Variants in ZNF33B observed in about 807,000 individuals in gnomAD.
The protein encoded by ZNF33B is zinc finger protein 11b (KOX 2).
Under a neutral mutation model 45.8 loss-of-function variants are expected in ZNF33B, and 29 were observed. The ratio of observed to expected loss-of-function variants is 0.63; its 90% CI spans 0.47 to 0.86. The LOEUF is 0.86. ZNF33B is among the 40% of genes least tolerant of loss of function. The probability of loss-of-function intolerance (pLI) is 0.00; values close to 1 mark genes in which losing one functional copy is unlikely to be tolerated. For missense variants in ZNF33B, 831 were observed against 909.9 expected (o/e 0.91, Z 1.12); for synonymous variants, 305 against 307.8 (o/e 0.99, Z 0.10).
intron 4 of ZNF33B, among the ~76,000 whole-genome samples, chr10:42,603,397 C>T (rs1336626407): frequency 2.0e-5 from 3 of 152,148 alleles, no homozygotes; most frequent in Non-Finnish European, 2.9e-5. Flanking sequence ...AGTTCTATGA[C>T]AGCAACAAGC....
At chr10:42,627,995 A>G (rs1276460131) in intron 4 of ZNF33B, among the ~76,000 whole-genome samples, 2 of 151,946 alleles carry the variant, frequency 1.3e-5, no homozygotes, top group African/African-American at 4.8e-5. Context: ...AAAAAATTGT[A>G]TTTTGCTGTT....
downstream of ZNF33B, among the ~76,000 whole-genome samples, chr10:42,586,298 T>C (rs1836934767): frequency 1.3e-5 from 2 of 151,720 alleles, no homozygotes; most frequent in Non-Finnish European, 2.9e-5. Flanking sequence ...GGGCTACAGG[T>C]GCCTGCCACC....
At chr10:42,628,591 T>C (rs562616988) in intron 4 of ZNF33B, among the ~76,000 whole-genome samples, 3 of 152,352 alleles carry the variant, frequency 2.0e-5, no homozygotes, top group South Asian at 2.1e-4. Context: ...TTTTGTCTAA[T>C]AGTTTTCTTT....
chr10:42,612,740 T>C (rs1390324968), intron 4 of ZNF33B, among the ~76,000 whole-genome samples: 1 of 152,210 alleles, frequency 6.6e-6, no homozygotes, highest in Admixed American at 6.5e-5. Flanking sequence ...AAGGTTCCCT[T>C]TGCATCTCTT....
chr10:42,609,689 AG>A (rs1838022365), intron 4 of ZNF33B, among the ~76,000 whole-genome samples: 1 of 152,230 alleles, frequency 6.6e-6, no homozygotes, highest in African/African-American at 2.4e-5. Flanking sequence ...AATTTCATCT[AG>A]TAGTATATAA....
chr10:42,622,190 G>C (rs1564521433), intron 4 of ZNF33B, among the ~76,000 whole-genome samples: 1 of 152,056 alleles, frequency 6.6e-6, no homozygotes, highest in Non-Finnish European at 1.5e-5. Flanking sequence ...ATTAAAGAAG[G>C]CATAAATAAA....
intron 1 of ZNF33B, among the ~76,000 whole-genome samples, chr10:42,581,070 T>C (rs533028398): frequency 1.3e-5 from 2 of 152,186 alleles, no homozygotes; most frequent in Admixed American, 1.3e-4. Context: ...TCAAATGCTA[T>C]AATCCTGAGT....
chr10:42,615,719 T>C (rs1838283337), intron 4 of ZNF33B, among the ~76,000 whole-genome samples: 1 of 151,768 alleles, frequency 6.6e-6, no homozygotes, highest in Non-Finnish European at 1.5e-5. Context: ...AGGTCAGGAG[T>C]TCCAGACCAG....
In ZNF33B at chr10:42,593,826, T is replaced by C. The variant is rs767637623; in HGVS notation, c.1124A>G (p.His375Arg). 1.2e-6 allele frequency: 2 copies of C among 1,614,114 alleles called. No individual in the cohort carries two copies. The highest frequency in any genetic ancestry group is 1.7e-6 in the Non-Finnish European group (2 of 1,179,968). ...TTTCTCCCCTGTGTGTGATCTCTGA[T>C]GTTTAGTGAGGTTTGACTTCTCCCA... ...TFWEKSNLTK[H>R]QRSHTGEKPF... The change falls in exon 5 of 5, where the codon CAT (histidine) becomes CGT (arginine). Residue 375 changes from histidine (H) to arginine (R), a missense_variant. Transcript: ENST00000359467.
intron 4 of ZNF33B, among the ~76,000 whole-genome samples, chr10:42,630,852 T>C (rs1204016770): frequency 2.0e-5 from 3 of 152,174 alleles, no homozygotes; most frequent in Non-Finnish European, 2.9e-5. Context: ...GGCTCACCTT[T>C]GGACTCTAGC....
At chr10:42,638,161 G>A (rs1052156325) in intron 1 of ZNF33B, among the ~76,000 whole-genome samples, 3 of 152,244 alleles carry the variant, frequency 2.0e-5, no homozygotes, top group Non-Finnish European at 2.9e-5. Context: ...CCTAGCACAT[G>A]GGCGTAAACA....
At chr10:42,598,930 T>C (rs192063465) in intron 4 of ZNF33B, among the ~76,000 whole-genome samples, 4 of 152,250 alleles carry the variant, frequency 2.6e-5, no homozygotes, top group Admixed American at 2.0e-4. Context: ...TTCCCTCTTC[T>C]TGAATTTTCT....
chr10:42,630,759 T>C (rs935968747), intron 4 of ZNF33B, among the ~76,000 whole-genome samples: 3 of 152,186 alleles, frequency 2.0e-5, no homozygotes, highest in Non-Finnish European at 4.4e-5. Flanking sequence ...GTGAGAAAGA[T>C]CTTACAGAGA....
At chr10:42,618,042 C>A (rs1168218037) in intron 4 of ZNF33B, among the ~76,000 whole-genome samples, 4 of 152,174 alleles carry the variant, frequency 2.6e-5, no homozygotes, top group Non-Finnish European at 5.9e-5. Flanking sequence ...CACATTTAGA[C>A]CTGCTTAGGA....
chr10:42,626,214 T>C (rs1237731862), intron 4 of ZNF33B, among the ~76,000 whole-genome samples: 1 of 152,224 alleles, frequency 6.6e-6, no homozygotes, highest in Non-Finnish European at 1.5e-5. Context: ...CTTGCTTGTA[T>C]AACTCAAGTA....
Position 42,589,975 on chromosome 10 carries a change from CTTCT to C in ZNF33B, c.*2634_*2637del, listed in dbSNP as rs1177287823. On this transcript the variant is annotated 3_prime_UTR_variant, in exon 5 of 5. Coordinates refer to ENST00000359467, the MANE Select transcript of ZNF33B (RefSeq NM_006955.3). ...AAATTGAGTAAGTTCTCCTGTATTCCTTCTGTGTTGAGAGGTTTTATCATGAATG... is the reference window on the plus strand; with the variant it reads ...AAATTGAGTAAGTTCTCCTGTATTCCGTGTTGAGAGGTTTTATCATGAATG... The C allele has an allele frequency of 3.9e-5, 6 of 152,080 alleles. No homozygotes were observed. Among genetic ancestry groups the C allele is most frequent in the African/African-American group, 7.2e-5 (3 of 41,396 alleles). 9.4% of individuals were successfully genotyped at this position (152,080 alleles called of 1,614,324 possible).
chr10:42,621,574 T>C (rs573118116), intron 4 of ZNF33B, among the ~76,000 whole-genome samples: 2 of 151,538 alleles, frequency 1.3e-5, no homozygotes, highest in East Asian at 3.9e-4. Flanking sequence ...ATGAATGTAA[T>C]ACACTTCATT....
At chr10:42,610,334 G>A (rs1838048653) in intron 4 of ZNF33B, among the ~76,000 whole-genome samples, 1 of 152,168 alleles carries the variant, frequency 6.6e-6, no homozygotes, top group Non-Finnish European at 1.5e-5. Flanking sequence ...TCAGGAGGTT[G>A]AGACCAGCCC....
Position 42,591,365 on chromosome 10 carries a change from G to T in ZNF33B, c.*1248C>A. The T allele has an allele frequency of 2.4e-6, 1 of 412,944 alleles. No homozygotes were observed. Among genetic ancestry groups the T allele is most frequent in the Non-Finnish European group, 3.3e-6 (1 of 306,822 alleles). 25.6% of individuals were successfully genotyped at this position (412,944 alleles called of 1,614,324 possible). On this transcript the variant is annotated 3_prime_UTR_variant, in exon 5 of 5. Transcript: ENST00000359467. ...AGTTCATGGCATGGGATGAGCCACAGGTAGTAAGAGAAAGGGAGTAACATG... is the reference window on the plus strand; with the variant it reads ...AGTTCATGGCATGGGATGAGCCACATGTAGTAAGAGAAAGGGAGTAACATG...
Sources: gnomAD v4.1 joint callset for allele counts (sites outside exome capture counted in the v4.1 genomes callset) on GRCh38, gnomAD v4.1.1 for gene constraint, MANE v1.5 for transcripts, NCBI Gene and HGNC (gene_info 2026-07-23, HGNC 2026-07-21) for gene names.